PRKD1: variants seen among roughly 807,000 people sequenced by gnomAD.
The protein encoded by PRKD1 is protein kinase D1.
A neutral mutation model predicts 95.9 loss-of-function variants in PRKD1; 63 were observed. The observed-to-expected ratio is 0.66, with a 90% CI of 0.54 to 0.81. The LOEUF (loss-of-function observed/expected upper bound fraction) is 0.81, where lower values mean the gene tolerates loss of function less well. Ranked by LOEUF, PRKD1 falls within the 30% of genes least tolerant of loss-of-function variation. The probability of loss-of-function intolerance (pLI) is 0.00; values close to 1 mark genes in which losing one functional copy is unlikely to be tolerated. For missense variants in PRKD1, 1,048 were observed against 1,165.3 expected, an observed-to-expected ratio of 0.90 and a Z score of 1.47; for synonymous variants, 425 against 423.1, an observed-to-expected ratio of 1.00 and a Z score of -0.05.
chr14:29,621,748 C>T (rs1267519150), intron 13 of PRKD1, among the ~76,000 whole-genome samples: 2 of 152,118 alleles, frequency 1.3e-5, no homozygotes, highest in Non-Finnish European at 2.9e-5. Flanking sequence ...TCTACTGAAC[C>T]TAGAACAGTG....
chr14:29,921,545 GATAAGTCACAA>G (rs1486043834), intron 1 of PRKD1, among the ~76,000 whole-genome samples: 4 of 152,044 alleles, frequency 2.6e-5, no homozygotes, highest in African/African-American at 9.7e-5. Flanking sequence ...AGTAATCTTA[GATAAGTCACAA>G]ATATACATTC....
rs1417942071 is a variant in PRKD1 at position 29,631,020 on chromosome 14, TCCTGTG to T, written c.1393-5_1393del. 4 of 1,599,072 alleles carry T rather than the reference TCCTGTG, an allele frequency of 2.5e-6. No individual in the cohort carries two copies. The highest frequency in any genetic ancestry group is 3.5e-5 in the Admixed American group (2 of 57,962). ...AGACAAAATTTCAGATAAAGGAATT[TCCTGTG>T]AAAGAAAAAAAGTACTAAATGTTGT... On this transcript the variant is annotated splice_acceptor_variant and splice_polypyrimidine_tract_variant and coding_sequence_variant and intron_variant, in exon 10 of 18. Coordinates refer to ENST00000331968, the MANE Select transcript of PRKD1 (RefSeq NM_002742.3). LOFTEE classifies it high-confidence loss of function.
At chr14:29,715,582 GT>G (rs1355117446) in intron 2 of PRKD1, among the ~76,000 whole-genome samples, 23 of 152,016 alleles carry the variant, frequency 1.5e-4, no homozygotes, top group Non-Finnish European at 2.4e-4. Flanking sequence ...CCCAAACATT[GT>G]TATTCTCTAG....
intron 2 of PRKD1, among the ~76,000 whole-genome samples, chr14:29,698,668 TG>T: frequency 6.6e-6 from 1 of 152,028 alleles, no homozygotes; most frequent in South Asian, 2.1e-4. Context: ...CATTTGATAA[TG>T]TAAGTGCCTC....
chr14:29,775,629 G>A (rs1436226121), intron 1 of PRKD1, among the ~76,000 whole-genome samples: 1 of 152,118 alleles, frequency 6.6e-6, no homozygotes, highest in African/African-American at 2.4e-5. Context: ...GGCTTGAGTA[G>A]GTAAACAAAG....
At chr14:29,797,133 T>G (rs1889852040) in intron 1 of PRKD1, among the ~76,000 whole-genome samples, 1 of 152,136 alleles carries the variant, frequency 6.6e-6, no homozygotes, top group Non-Finnish European at 1.5e-5. Flanking sequence ...AAAAGGGAAT[T>G]TACAGGCACC....
intron 1 of PRKD1, among the ~76,000 whole-genome samples, chr14:29,904,422 A>C (rs1894425473): frequency 6.6e-6 from 1 of 152,304 alleles, no homozygotes; most frequent in South Asian, 2.1e-4. Flanking sequence ...TCTGTGCCCC[A>C]ATTTCCTCAC....
At chr14:29,901,471 T>A (rs993256750) in intron 1 of PRKD1, among the ~76,000 whole-genome samples, 15 of 152,200 alleles carry the variant, frequency 9.9e-5, no homozygotes, top group Admixed American at 3.9e-4. Flanking sequence ...CCTGCACATG[T>A]ACTCCTTAAT....
intron 1 of PRKD1, among the ~76,000 whole-genome samples, chr14:29,747,557 T>C (rs945438904): frequency 6.6e-6 from 1 of 151,904 alleles, no homozygotes; most frequent in African/African-American, 2.4e-5. Context: ...CAAATGTCCA[T>C]CAGAAAATAA....
intron 1 of PRKD1, among the ~76,000 whole-genome samples, chr14:29,879,013 C>G (rs1238405385): frequency 6.6e-6 from 1 of 152,122 alleles, no homozygotes; most frequent in African/African-American, 2.4e-5. Context: ...TACTCTCCTC[C>G]TTATAGTAAA....
At chr14:29,653,153 G>A (rs555989916) in intron 4 of PRKD1, among the ~76,000 whole-genome samples, 3 of 152,228 alleles carry the variant, frequency 2.0e-5, no homozygotes, top group African/African-American at 7.2e-5. Context: ...ATGGCCAATT[G>A]TTATTTAGAA....
At chr14:29,878,307 T>A (rs1320276646) in intron 1 of PRKD1, among the ~76,000 whole-genome samples, 5 of 149,110 alleles carry the variant, frequency 3.4e-5, no homozygotes, top group Non-Finnish European at 1.5e-5. Context: ...AAATAAAAGT[T>A]TTTTTTTTAA....
At chr14:29,786,760 T>C (rs918024490) in intron 1 of PRKD1, among the ~76,000 whole-genome samples, 1 of 152,128 alleles carries the variant, frequency 6.6e-6, no homozygotes, top group Non-Finnish European at 1.5e-5. Context: ...TAGTGATTTA[T>C]TGATCTTTGT....
intron 1 of PRKD1, among the ~76,000 whole-genome samples, chr14:29,817,738 C>G (rs1890748735): frequency 1.3e-5 from 2 of 152,110 alleles, no homozygotes. Context: ...GTCATGCTCA[C>G]AAGTGCCTTA....
At chr14:29,664,405 A>G (rs1481704279) in intron 3 of PRKD1, among the ~76,000 whole-genome samples, 2 of 152,194 alleles carry the variant, frequency 1.3e-5, no homozygotes, top group East Asian at 3.8e-4. Context: ...ATGGTAGGTG[A>G]TCAATAATTG....
At chr14:29,864,954 C>G (rs562214365) in intron 1 of PRKD1, among the ~76,000 whole-genome samples, 1 of 152,264 alleles carries the variant, frequency 6.6e-6, no homozygotes, top group African/African-American at 2.4e-5. Context: ...CCCCAAATAG[C>G]TGTTCTTTAA....
At chr14:29,770,099 A>C (rs913257621) in intron 1 of PRKD1, among the ~76,000 whole-genome samples, 3 of 152,238 alleles carry the variant, frequency 2.0e-5, no homozygotes, top group Non-Finnish European at 4.4e-5. Flanking sequence ...TATGAAGCAG[A>C]GAACAAGCCT....
chr14:29,712,430 T>A (rs1293159321), intron 2 of PRKD1, among the ~76,000 whole-genome samples: 1 of 152,040 alleles, frequency 6.6e-6, no homozygotes, highest in African/African-American at 2.4e-5. Flanking sequence ...TAGCCAGAAA[T>A]TTTTCATTTT....
intron 13 of PRKD1, among the ~76,000 whole-genome samples, chr14:29,607,092 C>T (rs1284637286): frequency 6.6e-6 from 1 of 152,208 alleles, no homozygotes; most frequent in East Asian, 1.9e-4. Context: ...GTGCCTGGCA[C>T]ATAGTATGGG....
Sources: allele counts gnomAD v4.1 joint callset (sites outside exome capture counted in the v4.1 genomes callset), GRCh38; gene constraint gnomAD v4.1.1; transcripts MANE v1.5; gene names NCBI Gene and HGNC (gene_info 2026-07-23, HGNC 2026-07-21).